The following SYNGR2 variants were observed in gnomAD, a reference collection of about 807,000 sequenced individuals.
SYNGR2 encodes the protein synaptogyrin 2, also known as synaptogyrin-2.
In SYNGR2, 11 loss-of-function variants were observed where a neutral mutation model predicts 18.7. The observed-to-expected ratio is 0.59, with a 90% CI of 0.37 to 0.97. The LOEUF is 0.97. Among genes scored for constraint, SYNGR2 ranks in the 50% least tolerant of loss-of-function variants. The probability of loss-of-function intolerance (pLI) is 0.01; values close to 1 mark genes in which losing one functional copy is unlikely to be tolerated. For missense variants in SYNGR2, 253 were observed against 300.7 expected, an observed-to-expected ratio of 0.84 and a Z score of 1.17; for synonymous variants, 127 against 131.0, an observed-to-expected ratio of 0.97 and a Z score of 0.21.
At position 78,168,724 on chromosome 17, in the gene SYNGR2, G is replaced by T; in HGVS notation, c.99+9G>T. On this transcript the variant is annotated intron_variant, in intron 1 of 3. Transcript: ENST00000225777. ...CGCGCGCCGTGTGCTTGGTGAGCCCGGGGAGGGCGGGCCGAGGGCACCCTG... is the reference window on the plus strand; with the variant it reads ...CGCGCGCCGTGTGCTTGGTGAGCCCTGGGAGGGCGGGCCGAGGGCACCCTG... 2 of 1,196,184 alleles carry T rather than the reference G, an allele frequency of 1.7e-6. No homozygotes were observed. Among genetic ancestry groups the T allele is most frequent in the South Asian group, 4.2e-5 (1 of 23,882 alleles). 74.1% of individuals were successfully genotyped at this position (1,196,184 alleles called of 1,614,324 possible). A position where few individuals can be genotyped will look rare whatever the true frequency, so the allele number is the denominator to read the frequency against.
intron 1 of SYNGR2, chr17:78,169,095 C>A: frequency 6.4e-6 from 1 of 156,808 alleles, no homozygotes; most frequent in Non-Finnish European, 1.4e-5. Flanking sequence ...TTTTCCGAAG[C>A]CACGTGGGGT....
In SYNGR2 at chr17:78,172,092, G is replaced by A; in HGVS notation, c.*156G>A. The stretch of plus-strand genomic sequence containing the variant: ...GAGCCTCATAGCCTGGCGGGGGCTG[G>A]CAGAGCCACACCCCAAGTGCCTGTG... On this transcript the variant is annotated 3_prime_UTR_variant, in exon 4 of 4. Coordinates refer to ENST00000225777, the MANE Select transcript of SYNGR2 (RefSeq NM_004710.7). The A allele has an allele frequency of 1.4e-6, 2 of 1,459,924 alleles. No homozygotes were observed. The highest frequency in any genetic ancestry group is 1.8e-6 in the Non-Finnish European group (2 of 1,105,712). 90.4% of individuals were successfully genotyped at this position (1,459,924 alleles called of 1,614,324 possible). A position where few individuals can be genotyped will look rare whatever the true frequency, so the allele number is the denominator to read the frequency against.
Position 78,170,581 on chromosome 17 carries a change from G to T in SYNGR2, c.100-236G>T, listed in dbSNP as rs543880564. 15 of 566,048 alleles carry T rather than the reference G, an allele frequency of 2.6e-5. No homozygotes were observed. The East Asian group carries it at 4.7e-4, about 18-fold the overall frequency. 35.1% of individuals were successfully genotyped at this position (566,048 alleles called of 1,614,324 possible). Reference sequence around the variant, plus strand: ...AGGGCACCTGTAATCCCAGCTACTAGGGAGGCTGAGGCAGAATTGCTTGAA... The same window carrying T: ...AGGGCACCTGTAATCCCAGCTACTATGGAGGCTGAGGCAGAATTGCTTGAA... On this transcript the variant is annotated intron_variant, in intron 1 of 3. Transcript: ENST00000225777.
At position 78,171,839 on chromosome 17, in the gene SYNGR2, C is replaced by T; in HGVS notation, c.578C>T (p.Ala193Val). The T allele has an allele frequency of 1.2e-6, 2 of 1,614,166 alleles. No individual in the cohort carries two copies. Among genetic ancestry groups the T allele is most frequent in the South Asian group, 1.1e-5 (1 of 91,086 alleles). Residue 193 changes from alanine to valine, a missense_variant, in exon 4 of 4, where the codon GCC (alanine) becomes GTC (valine). Physicochemically the swap from Ala to Val is moderately conservative, Grantham distance 64. Transcript: ENST00000225777. The surrounding 1 kb of genome is among the most constrained non-coding windows in gnomAD (Gnocchi z 6.6). ...ACTCCGGACCCCAACACTGCCTACG[C>T]CTCCTACCCAGGTGCATCTGTGGAC... The part of the protein sequence containing the change: ...DPTPDPNTAY[A>V]SYPGASVDNY...
At position 78,171,890 on chromosome 17, in the gene SYNGR2, A is replaced by G. The variant is rs1426367739; in HGVS notation, c.629A>G (p.Gln210Arg). 1 of 1,613,878 alleles carries G rather than the reference A, an allele frequency of 6.2e-7. No individual in the cohort carries two copies. The highest frequency in any genetic ancestry group is 2.2e-5 in the East Asian group (1 of 44,868). The change falls in exon 4 of 4, where the codon CAG (glutamine) becomes CGG (arginine). Residue 210 changes from glutamine (Q) to arginine (R), a missense_variant. By Grantham distance (43) the Gln-to-Arg change is conservative. Transcript: ENST00000225777. The surrounding 1 kb of genome is among the most constrained non-coding windows in gnomAD (Gnocchi z 6.6). ...VDNYQQPPFT[Q>R]NAETTEGYQP... is the part of the protein sequence containing the mutation. ...AACTACCAACAGCCACCCTTCACCC[A>G]GAACGCGGAGACCACCGAGGGCTAC...
Position 78,171,100 on chromosome 17 carries a change from C to T in SYNGR2, c.337+46C>T. On this transcript the variant is annotated intron_variant, in intron 2 of 3. Transcript: ENST00000225777. The surrounding 1 kb of genome is among the most constrained non-coding windows in gnomAD (Gnocchi z 6.6). ...CATTTGATCTTGGGGGAGGCATTAACTCTAGGGTTCCGCAGCTGGGAGGGT... is the reference window on the plus strand; with the variant it reads ...CATTTGATCTTGGGGGAGGCATTAATTCTAGGGTTCCGCAGCTGGGAGGGT... 1 of 1,576,470 alleles carries T rather than the reference C, an allele frequency of 6.3e-7. No homozygotes were observed. Among genetic ancestry groups the T allele is most frequent in the Non-Finnish European group, 8.7e-7 (1 of 1,151,398 alleles).
Position 78,171,920 on chromosome 17 carries a change from C to T in SYNGR2, c.659C>T (p.Pro220Leu), listed in dbSNP as rs370411109. The change falls in exon 4 of 4, where the codon CCG becomes CTG. Residue 220 changes from proline (P) to leucine (L), a missense_variant. By Grantham distance (98) the Pro-to-Leu change is moderately conservative. Transcript: ENST00000225777. This position sits in a 1 kb window ranked among gnomAD's most constrained non-coding sequence, Gnocchi z 6.6. ...GCGGAGACCACCGAGGGCTACCAGC[C>T]GCCCCCTGTGTACTGAGCGGCGGTT... The part of the protein sequence containing the change: ...QNAETTEGYQ[P>L]PPVY The T allele has an allele frequency of 2.2e-5, 36 of 1,613,474 alleles. No individual in the cohort carries two copies. Among genetic ancestry groups the T allele is most frequent in the Middle Eastern group, 3.3e-4 (2 of 6,084 alleles).
Position 78,168,615 on chromosome 17 carries a change from A to G in SYNGR2, c.-2A>G. 1.7e-6 allele frequency: 2 copies of G among 1,200,272 alleles called. No homozygotes were observed. Among genetic ancestry groups the G allele is most frequent in the Admixed American group, 4.4e-5 (1 of 22,626 alleles). The allele number at this position is 1,200,272 out of a possible 1,614,324, so 74.4% of individuals were successfully genotyped here. On this transcript the variant is annotated 5_prime_UTR_variant, in exon 1 of 4. Transcript: ENST00000225777. ...GGCGGCGGCAGCGGCGGCGACGGCG[A>G]CATGGAGAGCGGGGCCTACGGCGCG...
In SYNGR2 at chr17:78,171,335, A is replaced by T; in HGVS notation, c.338-175A>T. On this transcript the variant is annotated intron_variant, in intron 2 of 3. Coordinates refer to ENST00000225777, the MANE Select transcript of SYNGR2 (RefSeq NM_004710.7). The surrounding 1 kb of genome is among the most constrained non-coding windows in gnomAD (Gnocchi z 6.6). ...CTGTCTGCTGTGGCCCACCCTGCCA[A>T]GGCCCGAGTGTGGGGGACTTTGGAG... 1 of 806,154 alleles carries T rather than the reference A, an allele frequency of 1.2e-6. No individual in the cohort carries two copies. Among genetic ancestry groups the T allele is most frequent in the Non-Finnish European group, 1.9e-6 (1 of 526,778 alleles). 49.9% of individuals were successfully genotyped at this position (806,154 alleles called of 1,614,324 possible).
rs777116419 is a variant in SYNGR2, at chr17:78,171,610, G to A, written c.438G>A (p.Arg146=). Residue 146 remains arginine (R), a synonymous_variant, in exon 3 of 4, where the codon AGG becomes AGA. Transcript: ENST00000225777. The surrounding 1 kb of genome is among the most constrained non-coding windows in gnomAD (Gnocchi z 6.6). The part of the protein sequence containing the change: ...KDVLVGADSV[R]AAITFSFFSI... ...TGCTGGTGGGGGCCGACTCTGTGAG[G>A]GCAGCCATCACCTTCAGCTTCTTTT... The A allele has an allele frequency of 2.3e-5, 37 of 1,578,522 alleles. No individual in the cohort carries two copies. The Middle Eastern group carries it at 6.8e-4, about 29-fold the overall frequency.
At chr17:78,170,694 AC>A in intron 1 of SYNGR2, 122 bp from the exon 2 acceptor site, 1 of 847,074 alleles carries the variant, frequency 1.2e-6, no homozygotes, top group Non-Finnish European at 1.9e-6. Flanking sequence ...TCAAACAACA[AC>A]AAAAACCCAA....
In SYNGR2 at chr17:78,171,302, C is replaced by G. The variant is rs192626369; in HGVS notation, c.338-208C>G. ...TGGGCTTTGCCTCTGCCCCTTTTGT[C>G]CCCTAGGCTGTCTGCTGTGGCCCAC... On this transcript the variant is annotated intron_variant, in intron 2 of 3. Coordinates refer to ENST00000225777, the MANE Select transcript of SYNGR2 (RefSeq NM_004710.7). The surrounding 1 kb of genome is among the most constrained non-coding windows in gnomAD (Gnocchi z 6.6). 1.4e-4 allele frequency: 100 copies of G among 693,478 alleles called. No homozygotes were observed. Among genetic ancestry groups the G allele is most frequent in the Non-Finnish European group, 2.2e-4 (91 of 422,822 alleles). The allele number at this position is 693,478 out of a possible 1,614,324, so 43.0% of individuals were successfully genotyped here.
rs1489792537 is a variant in SYNGR2, at chr17:78,168,587, C to CGCGGCGGCGGCA, written c.-20_-9dup. The CGCGGCGGCGGCA allele has an allele frequency of 4.5e-4, 525 of 1,176,408 alleles. No individual in the cohort carries two copies. The highest frequency in any genetic ancestry group is 5.1e-4 in the Non-Finnish European group (487 of 946,818). 72.9% of individuals were successfully genotyped at this position (1,176,408 alleles called of 1,614,324 possible). A position where few individuals can be genotyped will look rare whatever the true frequency, so the allele number is the denominator to read the frequency against. On this transcript the variant is annotated 5_prime_UTR_variant, in exon 1 of 4. Coordinates refer to ENST00000225777, the MANE Select transcript of SYNGR2 (RefSeq NM_004710.7). The stretch of plus-strand genomic sequence containing the variant: ...GCGCCGGGCAGGTTCCTCTGCGTTC[C>CGCGGCGGCGGCA]GCGGCGGCGGCAGCGGCGGCGACGG...
Position 78,171,156 on chromosome 17 carries a change from C to A in SYNGR2, c.337+102C>A. 8.7e-7 allele frequency: 1 copy of A among 1,150,356 alleles called. No homozygotes were observed. Among genetic ancestry groups the A allele is most frequent in the Non-Finnish European group, 1.3e-6 (1 of 796,774 alleles). The allele number at this position is 1,150,356 out of a possible 1,614,324, so 71.3% of individuals were successfully genotyped here. A position where few individuals can be genotyped will look rare whatever the true frequency, so the allele number is the denominator to read the frequency against. On this transcript the variant is annotated intron_variant, in intron 2 of 3. Transcript: ENST00000225777. The surrounding 1 kb of genome is among the most constrained non-coding windows in gnomAD (Gnocchi z 6.6). ...CCTCTCTGGGAGGGGCAGGGAGCAG[C>A]TCACTCCTCCAGGGCATTTTTAGGA... is the stretch of plus-strand genomic sequence containing the variant.
At position 78,170,939 on chromosome 17, in the gene SYNGR2, C is replaced by T. The variant is rs114913091; in HGVS notation, c.222C>T (p.Ile74=). ...NEDACRYGSA[I]GVLAFLASAF... is the part of the protein sequence containing the mutation. ...ATGCCTGCCGCTATGGCAGTGCCATCGGGGTGCTGGCCTTCCTGGCCTCGG... is the reference window on the plus strand; with the variant it reads ...ATGCCTGCCGCTATGGCAGTGCCATTGGGGTGCTGGCCTTCCTGGCCTCGG... Residue 74 remains isoleucine (I), a synonymous_variant, in exon 2 of 4, where the codon ATC becomes ATT. Transcript: ENST00000225777. 3.8e-4 allele frequency: 613 copies of T among 1,613,372 alleles called. 3 individuals are homozygous for T. In the African/African-American group the frequency reaches 7.6e-3, roughly 20 times the overall value.
Position 78,171,094 on chromosome 17 carries a change from C to T in SYNGR2, c.337+40C>T, listed in dbSNP as rs757262851. On this transcript the variant is annotated intron_variant, in intron 2 of 3. Coordinates refer to ENST00000225777, the MANE Select transcript of SYNGR2 (RefSeq NM_004710.7). The surrounding 1 kb of genome is among the most constrained non-coding windows in gnomAD (Gnocchi z 6.6). ...CACCTCCATTTGATCTTGGGGGAGG[C>T]ATTAACTCTAGGGTTCCGCAGCTGG... is the stretch of plus-strand genomic sequence containing the variant. 6.9e-6 allele frequency: 11 copies of T among 1,590,854 alleles called. No homozygotes were observed. Among genetic ancestry groups the T allele is most frequent in the South Asian group, 1.1e-5 (1 of 90,506 alleles).
rs368236230 is a variant in SYNGR2 at position 78,171,057 on chromosome 17, A to G, written c.337+3A>G. ...CATTGGTGACCTGCTCTTCTCAGGT[A>G]TCTGCCTGTGGCACCTCCATTTGAT... is the stretch of plus-strand genomic sequence containing the variant. On this transcript the variant is annotated splice_donor_region_variant and intron_variant, in intron 2 of 3. Coordinates refer to ENST00000225777, the MANE Select transcript of SYNGR2 (RefSeq NM_004710.7). The surrounding 1 kb of genome is among the most constrained non-coding windows in gnomAD (Gnocchi z 6.6). 12 of 1,612,190 alleles carry G rather than the reference A, an allele frequency of 7.4e-6. No individual in the cohort carries two copies. The African/African-American group carries it at 1.2e-4, about 16-fold the overall frequency.
rs540250294 is a variant in SYNGR2 at position 78,171,415 on chromosome 17, G to A, written c.338-95G>A. The A allele has an allele frequency of 4.2e-5, 60 of 1,443,806 alleles. No individual in the cohort carries two copies. The South Asian group carries it at 5.7e-4, about 14-fold the overall frequency. The allele number at this position is 1,443,806 out of a possible 1,614,324, so 89.4% of individuals were successfully genotyped here. ...CCCTCCATAGTGTGGAGGCTCCCCC[G>A]GGAGGTCCCTGCCCTACCTGCCCGC... is the stretch of plus-strand genomic sequence containing the variant. On this transcript the variant is annotated intron_variant, in intron 2 of 3. Transcript: ENST00000225777. The surrounding 1 kb of genome is among the most constrained non-coding windows in gnomAD (Gnocchi z 6.6).
intron 1 of SYNGR2, chr17:78,169,323 G>C (rs2075643062): frequency 6.6e-6 from 1 of 151,878 alleles, no homozygotes; most frequent in African/African-American, 2.4e-5. Flanking sequence ...AGCTGGAGGG[G>C]GTGGCATGAG....
Sources: gnomAD v4.1 joint callset for allele counts on GRCh38, gnomAD v4.1.1 for gene constraint, Gnocchi (gnomAD v3.1) non-coding constraint, MANE v1.5 for transcripts, NCBI Gene and HGNC (gene_info 2026-07-23, HGNC 2026-07-21) for gene names.